The following PAFAH1B1 variants were observed in gnomAD, a reference collection of about 807,000 sequenced individuals.
PAFAH1B1 encodes platelet-activating factor acetylhydrolase IB subunit beta.
A neutral mutation model predicts 57.5 loss-of-function variants in PAFAH1B1; 2 were observed. The observed-to-expected ratio is 0.03, with a 90% CI of 0.01 to 0.11. The LOEUF is 0.11. Ranked by LOEUF, PAFAH1B1 falls within the 10% of genes least tolerant of loss-of-function variation. PAFAH1B1 has a pLI of 1.00. For missense variants in PAFAH1B1, 257 were observed against 512.0 expected, an observed-to-expected ratio of 0.50 and a Z score of 4.81; for synonymous variants, 152 against 169.6, an observed-to-expected ratio of 0.90 and a Z score of 0.81.
intron 2 of PAFAH1B1, among the ~76,000 whole-genome samples, chr17:2,645,905 A>AAT (rs2068762195): frequency 6.6e-6 from 1 of 151,668 alleles, no homozygotes. Flanking sequence ...CGCCTGGCCA[A>AAT]ATATATATAT....
rs1455326019 is a variant in PAFAH1B1, at chr17:2,638,087, C to G, written c.-190-12C>G. 1 of 467,872 alleles carries G rather than the reference C, an allele frequency of 2.1e-6. No individual in the cohort carries two copies. Among genetic ancestry groups the G allele is most frequent in the South Asian group, 5.3e-5 (1 of 18,884 alleles). The allele number at this position is 467,872 out of a possible 1,614,324, so 29.0% of individuals were successfully genotyped here. A position where few individuals can be genotyped will look rare whatever the true frequency, so the allele number is the denominator to read the frequency against. On this transcript the variant is annotated splice_polypyrimidine_tract_variant and intron_variant, in intron 1 of 10. Coordinates refer to ENST00000397195, the MANE Select transcript of PAFAH1B1 (RefSeq NM_000430.4). ...GTGAAATAATCTTTTTTTTTCTTCT[C>G]TTTCTCCTTAGGTGGAATGAATCTT...
chr17:2,629,224 C>T (rs548055797), intron 1 of PAFAH1B1, among the ~76,000 whole-genome samples: 1 of 152,010 alleles, frequency 6.6e-6, no homozygotes, highest in Non-Finnish European at 1.5e-5. Context: ...TTGATGTAGG[C>T]GTTTAGGGCT....
chr17:2,625,726 G>C (rs1375601619), intron 1 of PAFAH1B1, among the ~76,000 whole-genome samples: 1 of 152,126 alleles, frequency 6.6e-6, no homozygotes, highest in Non-Finnish European at 1.5e-5. Flanking sequence ...AGGAATTAAA[G>C]ACCAGCCTAG....
chr17:2,680,420 G>A, intron 10 of PAFAH1B1, 100 bp downstream of exon 10: 2 of 1,031,482 alleles, frequency 1.9e-6, no homozygotes, highest in Non-Finnish European at 3.1e-6. Flanking sequence ...AGAAATGACT[G>A]TGCTTTCAGG....
At chr17:2,612,284 A>G (rs961413489) in intron 1 of PAFAH1B1, among the ~76,000 whole-genome samples, 4 of 151,092 alleles carry the variant, frequency 2.6e-5, no homozygotes, top group Non-Finnish European at 4.4e-5. Context: ...ACTCACTGCA[A>G]CCTCCGCCTC....
chr17:2,621,692 C>T (rs2068426073), intron 1 of PAFAH1B1, among the ~76,000 whole-genome samples: 2 of 44,972 alleles, frequency 4.4e-5, no homozygotes, highest in South Asian at 1.8e-3. Context: ...GTGGCGTCAT[C>T]TCAGCTCACT....
At chr17:2,668,239 T>C (rs1234456417) in intron 5 of PAFAH1B1, among the ~76,000 whole-genome samples, 2 of 150,000 alleles carry the variant, frequency 1.3e-5, no homozygotes, top group Admixed American at 6.6e-5. Context: ...GGCAGGAAAT[T>C]CGCTTGAACC....
At chr17:2,649,339 G>A (rs1351731537) in intron 2 of PAFAH1B1, among the ~76,000 whole-genome samples, 4 of 151,982 alleles carry the variant, frequency 2.6e-5, no homozygotes, top group Admixed American at 6.6e-5. Context: ...TTGGAAGGCC[G>A]AGGCGGGTGA....
rs1210655029 is a variant in PAFAH1B1 at position 2,683,642 on chromosome 17, G to A, written c.*1840G>A. ...GTTTTGAGAACTAATGGCTATTTTTGAGGACAAAAATTACATCTTAAGCTA... is the reference window on the plus strand; with the variant it reads ...GTTTTGAGAACTAATGGCTATTTTTAAGGACAAAAATTACATCTTAAGCTA... On this transcript the variant is annotated 3_prime_UTR_variant, in exon 11 of 11. Coordinates refer to ENST00000397195, the MANE Select transcript of PAFAH1B1 (RefSeq NM_000430.4). 2 of 152,478 alleles carry A rather than the reference G, an allele frequency of 1.3e-5. No individual in the cohort carries two copies. 9.4% of individuals were successfully genotyped at this position (152,478 alleles called of 1,614,324 possible). A position where few individuals can be genotyped will look rare whatever the true frequency, so the allele number is the denominator to read the frequency against.
In PAFAH1B1 at chr17:2,617,529, CTT is replaced by C. The variant is rs1359757841; in HGVS notation, c.-190-20564_-190-20563del. 3.9e-5 allele frequency among the ~76,000 whole-genome samples: 6 copies of C among 152,254 alleles called. No homozygotes were observed. In the South Asian group the frequency reaches 1.2e-3, roughly 32 times the overall value. On this transcript the variant is annotated intron_variant, in intron 1 of 10. Transcript: ENST00000397195. ...CCATACTGATAAACCAACCTGATCT[CTT>C]TTTTTGTTTTTATTACCTGCTGACA...
chr17:2,653,159 C>T (rs2068888047), intron 2 of PAFAH1B1, among the ~76,000 whole-genome samples: 1 of 152,082 alleles, frequency 6.6e-6, no homozygotes, highest in South Asian at 2.1e-4. Flanking sequence ...TCTCAGCAAA[C>T]TATTGCAGGG....
chr17:2,614,556 G>A (rs967553972), intron 1 of PAFAH1B1, among the ~76,000 whole-genome samples: 1 of 152,124 alleles, frequency 6.6e-6, no homozygotes, highest in Admixed American at 6.6e-5. Flanking sequence ...TAATGAACAA[G>A]GCAACTGTGT....
At chr17:2,615,420 G>A (rs971491790) in intron 1 of PAFAH1B1, among the ~76,000 whole-genome samples, 3 of 152,186 alleles carry the variant, frequency 2.0e-5, no homozygotes, top group African/African-American at 4.8e-5. Flanking sequence ...GCTTCATTTC[G>A]AAGACAAAAG....
At chr17:2,628,889 G>A (rs943291412) in intron 1 of PAFAH1B1, among the ~76,000 whole-genome samples, 40 of 152,170 alleles carry the variant, frequency 2.6e-4, no homozygotes, top group Non-Finnish European at 5.4e-4. Context: ...GGTGCTCACA[G>A]TAGCCTTGAA....
chr17:2,673,590 G>GA, intron 7 of PAFAH1B1: 1 of 167,274 alleles, frequency 6.0e-6, no homozygotes, highest in Non-Finnish European at 1.3e-5. Context: ...AGTGAGCCGA[G>GA]ATCGCGCCAC....
intron 1 of PAFAH1B1, among the ~76,000 whole-genome samples, chr17:2,609,063 TAA>T (rs2068236926): frequency 6.6e-6 from 1 of 152,226 alleles, no homozygotes; most frequent in Non-Finnish European, 1.5e-5. Flanking sequence ...CTGTTTTACA[TAA>T]AGTCTCTATT....
intron 1 of PAFAH1B1, among the ~76,000 whole-genome samples, chr17:2,607,070 C>T (rs2068213982): frequency 1.3e-5 from 2 of 151,880 alleles, no homozygotes; most frequent in African/African-American, 2.4e-5. Flanking sequence ...GTGATCCACC[C>T]GCCTCGGCCT....
chr17:2,611,948 A>G (rs1466149053), intron 1 of PAFAH1B1, among the ~76,000 whole-genome samples: 1 of 152,126 alleles, frequency 6.6e-6, no homozygotes, highest in Non-Finnish European at 1.5e-5. Flanking sequence ...GGTCAAAACT[A>G]GTGAGAATGG....
chr17:2,638,786 G>T (rs1002017294), intron 2 of PAFAH1B1: 1 of 172,768 alleles, frequency 5.8e-6, no homozygotes, highest in Admixed American at 5.6e-5. Flanking sequence ...GGGATTACAG[G>T]CATGAGCCAC....
Sources: allele counts gnomAD v4.1 joint callset (sites outside exome capture counted in the v4.1 genomes callset), GRCh38; gene constraint gnomAD v4.1.1; transcripts MANE v1.5; gene names NCBI Gene and HGNC (gene_info 2026-07-23, HGNC 2026-07-21).